Variants in KIF15 observed in about 807,000 individuals in gnomAD.
KIF15 encodes kinesin family member 15.
KIF15 carries 140 observed loss-of-function variants against 190.6 expected under a neutral mutation model. The ratio of observed to expected loss-of-function variants is 0.73; its 90% CI spans 0.64 to 0.84. KIF15 has a LOEUF of 0.84. Among genes scored for constraint, KIF15 ranks in the 40% least tolerant of loss-of-function variants. KIF15 has a pLI of 0.00. For missense variants in KIF15, 1,372 were observed against 1,584.4 expected (o/e 0.87, Z 2.28); for synonymous variants, 528 against 551.3 (o/e 0.96, Z 0.59).
intron 1 of KIF15, among the ~76,000 whole-genome samples, chr3:44,768,341 A>C (rs2125893725): frequency 6.6e-6 from 1 of 152,282 alleles, no homozygotes; most frequent in East Asian, 1.9e-4. Flanking sequence ...AGCTCAGCTA[A>C]AATCCAAGTT....
intron 26 of KIF15, among the ~76,000 whole-genome samples, chr3:44,836,449 G>A (rs573815977): frequency 6.6e-6 from 1 of 151,948 alleles, no homozygotes; most frequent in African/African-American, 2.4e-5. Flanking sequence ...AAAATATCTT[G>A]ATATAAAGAT....
intron 20 of KIF15, among the ~76,000 whole-genome samples, chr3:44,819,589 T>C (rs1333597638): frequency 6.6e-6 from 1 of 152,242 alleles, no homozygotes; most frequent in African/African-American, 2.4e-5. Context: ...ATCTAATTTA[T>C]TGCACTGTGG....
intron 6 of KIF15, among the ~76,000 whole-genome samples, chr3:44,866,529 G>A (rs1273702987): frequency 6.6e-6 from 1 of 152,168 alleles, no homozygotes; most frequent in Non-Finnish European, 1.5e-5. Context: ...CAGCTCTCCT[G>A]AGTCTGATCT....
intron 30 of KIF15, 105 bp from the exon 31 acceptor site, chr3:44,847,880 C>A: frequency 1.3e-6 from 1 of 767,264 alleles, no homozygotes; most frequent in South Asian, 1.8e-5. Flanking sequence ...TTTCTTTGTA[C>A]ACCTTGGCAT....
intron 6 of KIF15, chr3:44,861,766 A>C (rs1575701178): frequency 1.3e-6 from 1 of 788,584 alleles, no homozygotes. Context: ...GGTCTCTGCC[A>C]CCTGGCCCGC....
At chr3:44,843,939 T>A (rs1242076063) in intron 30 of KIF15, among the ~76,000 whole-genome samples, 1 of 152,214 alleles carries the variant, frequency 6.6e-6, no homozygotes, top group African/African-American at 2.4e-5. Context: ...CAGTGTTTGG[T>A]AGCAGGTGTC....
At chr3:44,785,225 A>C (rs1706352012) in intron 6 of KIF15, among the ~76,000 whole-genome samples, 1 of 152,264 alleles carries the variant, frequency 6.6e-6, no homozygotes, top group African/African-American at 2.4e-5. Context: ...TCTCAAAAAA[A>C]GATTTTGTAA....
intron 6 of KIF15, among the ~76,000 whole-genome samples, chr3:44,861,598 G>A (rs948590201): frequency 2.6e-5 from 4 of 152,206 alleles, no homozygotes; most frequent in Non-Finnish European, 5.9e-5. Context: ...AAGTTTCACC[G>A]GGAGCCGGGT....
intron 29 of KIF15, 46 bp from the exon 30 acceptor site, chr3:44,843,079 C>T (rs755816820): frequency 7.0e-7 from 1 of 1,430,838 alleles, no homozygotes; most frequent in Non-Finnish European, 9.7e-7. Flanking sequence ...CTAAATGAAG[C>T]CTACTGTAAT....
chr3:44,826,372 T>C lies in KIF15; in HGVS notation c.2701-3T>C. 1 of 1,610,782 alleles carries C rather than the reference T, an allele frequency of 6.2e-7. No individual in the cohort carries two copies. Among genetic ancestry groups the C allele is most frequent in the Non-Finnish European group, 8.5e-7 (1 of 1,178,410 alleles). On this transcript the variant is annotated splice_polypyrimidine_tract_variant and splice_region_variant and intron_variant, in intron 21 of 34. Coordinates refer to ENST00000326047, the MANE Select transcript of KIF15 (RefSeq NM_020242.3). ...TTACTTAAAATCTAATGTTGTCTTT[T>C]AGAATTTGATGGAGCTTCTTGAGGC...
chr3:44,801,534 A>G lies in KIF15; in HGVS notation c.1299+8A>G. 6.6e-7 allele frequency: 1 copy of G among 1,516,690 alleles called. No individual in the cohort carries two copies. Among genetic ancestry groups the G allele is most frequent in the East Asian group, 2.3e-5 (1 of 44,300 alleles). The allele number at this position is 1,516,690 out of a possible 1,614,324, so 94.0% of individuals were successfully genotyped here. On this transcript the variant is annotated splice_region_variant and intron_variant, in intron 12 of 34. Transcript: ENST00000326047. ...TCTGAACAGGAAAAGAAGGTAGGAA[A>G]TGGAATTAGTAATAAAGGAGATTCA... is the stretch of plus-strand genomic sequence containing the variant.
Position 44,813,096 on chromosome 3 carries a change from G to C in KIF15, c.2299G>C (p.Asp767His). Residue 767 changes from aspartate to histidine, a missense_variant, in exon 19 of 35, where the codon GAT becomes CAT. Transcript: ENST00000326047. ...MQELFSSERI[D>H]WTKQQEELLS... ...AAAGCTTTTCTCATCAGAAAGAATT[G>C]ATTGGACCAAACAGCAGGAAGAGCT... 1 of 1,589,958 alleles carries C rather than the reference G, an allele frequency of 6.3e-7. No individual in the cohort carries two copies. The highest frequency in any genetic ancestry group is 8.5e-7 in the Non-Finnish European group (1 of 1,172,706).
At position 44,786,461 on chromosome 3, in the gene KIF15, G is replaced by T; in HGVS notation, c.526G>T (p.Asp176Tyr). ...FIEIYNEQIY[D>Y]LLDSASAGLY... ...TGAAATCTACAACGAGCAGATATAT[G>T]ATCTACTGGACTCTGCATCGGCTGG... Residue 176 changes from aspartate (D) to tyrosine (Y), a missense_variant, in exon 7 of 35, where the codon GAT becomes TAT. Asp to Tyr is a radical substitution (Grantham distance 160, BLOSUM62 -3). Transcript: ENST00000326047. The T allele has an allele frequency of 6.2e-7, 1 of 1,613,426 alleles. No individual in the cohort carries two copies. The highest frequency in any genetic ancestry group is 8.5e-7 in the Non-Finnish European group (1 of 1,179,508).
intron 30 of KIF15, among the ~76,000 whole-genome samples, chr3:44,845,961 C>T (rs1481694264): frequency 6.6e-6 from 1 of 152,218 alleles, no homozygotes; most frequent in Non-Finnish European, 1.5e-5. Context: ...TTCCCTTTCC[C>T]CAACTCCCCT....
chr3:44,791,101 ATATTCT>A (rs1575597915), intron 7 of KIF15, among the ~76,000 whole-genome samples: 9 of 151,820 alleles, frequency 5.9e-5, no homozygotes, highest in Admixed American at 6.6e-5. Context: ...ATGATTGTTG[ATATTCT>A]TAGACTGGTT....
intron 29 of KIF15, 114 bp downstream of exon 29, chr3:44,841,352 A>ATCAGGAGTATCAATCAC: frequency 1.4e-6 from 1 of 719,182 alleles, no homozygotes; most frequent in Non-Finnish European, 2.3e-6. Flanking sequence ...AGTATCTGGC[A>ATCAGGAGTATCAATCAC]CTATAGGTAT....
At chr3:44,801,721 TCAAATTATTTTTCATGTTTAAC>T (rs749333571) in intron 12 of KIF15, 22 bp from the exon 13 acceptor site, 7 of 1,276,446 alleles carry the variant, frequency 5.5e-6, no homozygotes, top group Admixed American at 2.1e-5. Context: ...TTTAGGGAAG[TCAAATTATTTTTCATGTTTAAC>T]CAAATTATGA....
intron 20 of KIF15, among the ~76,000 whole-genome samples, chr3:44,825,755 ATG>A (rs1013357610): frequency 1.3e-5 from 2 of 152,180 alleles, no homozygotes; most frequent in African/African-American, 4.8e-5. Context: ...TCCATTAAGC[ATG>A]TCTGGTTGAA....
chr3:44,818,155 G>A (rs1403315894), intron 20 of KIF15, among the ~76,000 whole-genome samples: 1 of 152,090 alleles, frequency 6.6e-6, no homozygotes, highest in South Asian at 2.1e-4. Context: ...GAGATGATGG[G>A]GTTTTCTAAA....
Sources: allele counts gnomAD v4.1 joint callset (sites outside exome capture counted in the v4.1 genomes callset), GRCh38; gene constraint gnomAD v4.1.1; transcripts MANE v1.5; gene names NCBI Gene and HGNC (gene_info 2026-07-23, HGNC 2026-07-21).